ANK3: variants seen among roughly 807,000 people sequenced by gnomAD.
ANK3 encodes ankyrin-3.
ANK3 carries 57 observed loss-of-function variants against 370.9 expected under a neutral mutation model. The ratio of observed to expected loss-of-function variants is 0.15; its 90% CI spans 0.12 to 0.19. ANK3 has a LOEUF of 0.19. ANK3 is among the 10% of genes least tolerant of loss of function. ANK3 has a pLI of 1.00. For missense variants in ANK3, 4,439 were observed against 5,302.1 expected (o/e 0.84, Z 5.06); for synonymous variants, 1,929 against 1,946.3 (o/e 0.99, Z 0.23).
intron 25 of ANK3, among the ~76,000 whole-genome samples, chr10:60,125,497 AG>A (rs2093710271): frequency 6.6e-6 from 1 of 152,250 alleles, no homozygotes; most frequent in Non-Finnish European, 1.5e-5. Context: ...AGCACATTGA[AG>A]AGAGAAAGCA....
At chr10:60,395,622 C>CTTTCAT (rs61600136) in intron 2 of ANK3, among the ~76,000 whole-genome samples, 2 of 41,160 alleles carry the variant, frequency 4.9e-5, no homozygotes, top group African/African-American at 1.7e-4. Flanking sequence ...CTTTCGTTCT[C>CTTTCAT]TCTCTCTCTC....
Position 60,072,078 on chromosome 10 carries a change from C to G in ANK3, c.8803G>C (p.Val2935Leu). 1 of 1,614,058 alleles carries G rather than the reference C, an allele frequency of 6.2e-7. No individual in the cohort carries two copies. Among genetic ancestry groups the G allele is most frequent in the South Asian group, 1.1e-5 (1 of 91,090 alleles). ...SKKVLYREYVVKEGDHPGGLL... is the reference protein window; with the variant it reads ...SKKVLYREYVLKEGDHPGGLL... ...CCGCCTGGATGGTCCCCTTCTTTCA[C>G]AACATATTCCCTATATAAGACTTTT... The change falls in exon 37 of 44, where the codon GTG (valine) becomes CTG (leucine). Residue 2935 changes from valine to leucine, a missense_variant. Transcript: ENST00000280772.
intron 1 of ANK3, among the ~76,000 whole-genome samples, chr10:60,332,013 A>G (rs1490645623): frequency 6.6e-6 from 1 of 151,942 alleles, no homozygotes. Context: ...CATTTGAACA[A>G]CTCATAACAT....
intron 2 of ANK3, among the ~76,000 whole-genome samples, chr10:60,465,352 G>A (rs993237915): frequency 2.6e-5 from 4 of 152,036 alleles, no homozygotes; most frequent in South Asian, 2.1e-4. Flanking sequence ...TAGATCCTAC[G>A]TCAACTATAA....
chr10:60,143,124 T>C (rs2094643001), intron 23 of ANK3, among the ~76,000 whole-genome samples: 1 of 152,224 alleles, frequency 6.6e-6, no homozygotes, highest in East Asian at 1.9e-4. Context: ...TTTAAATTGC[T>C]ACTATTTATA....
chr10:60,423,611 A>C (rs2063821345), intron 2 of ANK3, among the ~76,000 whole-genome samples: 1 of 151,918 alleles, frequency 6.6e-6, no homozygotes, highest in Non-Finnish European at 1.5e-5. Context: ...TAATAAAACA[A>C]AGTTCTTGTA....
At chr10:60,513,030 A>G (rs1328221302) in intron 2 of ANK3, among the ~76,000 whole-genome samples, 1 of 152,152 alleles carries the variant, frequency 6.6e-6, no homozygotes, top group Non-Finnish European at 1.5e-5. Context: ...CTGTGTCTCA[A>G]TGAGGAAAAA....
At chr10:60,612,578 G>A (rs553671014) in intron 2 of ANK3, among the ~76,000 whole-genome samples, 5 of 152,116 alleles carry the variant, frequency 3.3e-5, no homozygotes, top group African/African-American at 7.2e-5. Context: ...TGCAACCTCC[G>A]CCTCCCAGAT....
intron 5 of ANK3, among the ~76,000 whole-genome samples, chr10:60,264,689 AG>A: frequency 1.3e-5 from 2 of 152,216 alleles, no homozygotes; most frequent in Admixed American, 1.3e-4. Context: ...AAGTTTTCAA[AG>A]GAGATCATTT....
intron 28 of ANK3, among the ~76,000 whole-genome samples, chr10:60,091,381 C>G (rs1178627351): frequency 6.6e-6 from 1 of 152,164 alleles, no homozygotes; most frequent in Non-Finnish European, 1.5e-5. Context: ...GAGCACTGAT[C>G]TAGTCACTGG....
chr10:60,036,458 C>T (rs957222415), intron 43 of ANK3, among the ~76,000 whole-genome samples: 9 of 33,992 alleles, frequency 2.6e-4, no homozygotes, highest in East Asian at 1.2e-3. Context: ...TTTTTTGAGA[C>T]GGAGTCTTGC....
intron 2 of ANK3, among the ~76,000 whole-genome samples, chr10:60,473,301 A>G (rs977315899): frequency 6.6e-6 from 1 of 152,126 alleles, no homozygotes; most frequent in African/African-American, 2.4e-5. Flanking sequence ...TTGTATTTCT[A>G]TTTTCTAAAA....
Position 60,080,537 on chromosome 10 carries a change from T to C in ANK3, c.4432A>G (p.Ile1478Val), listed in dbSNP as rs2084952174. 1.2e-6 allele frequency: 2 copies of C among 1,610,392 alleles called. No individual in the cohort carries two copies. Among genetic ancestry groups the C allele is most frequent in the South Asian group, 1.1e-5 (1 of 90,816 alleles). ...RYSYLTEPGM[I>V]ERSTGATRSL... ...TTAGTAAATGTGTTAGGAAACTCAC[T>C]CATTCCAGGCTCAGTCAAGTAGCTG... The change falls in exon 36 of 44, where the codon ATT (isoleucine) becomes GTT (valine). Residue 1478 changes from isoleucine to valine, a missense_variant and splice_region_variant. Physicochemically the swap from Ile to Val is conservative, Grantham distance 29. This residue lies in a region of ANK3 where 679 missense variants were observed against 791.0 expected (regional missense o/e 0.86). Coordinates refer to ENST00000280772, the MANE Select transcript of ANK3 (RefSeq NM_020987.5).
At position 60,114,295 on chromosome 10, in the gene ANK3, G is replaced by C; in HGVS notation, c.2878C>G (p.Leu960Val). 6 of 1,608,038 alleles carry C rather than the reference G, an allele frequency of 3.7e-6. No homozygotes were observed. Among genetic ancestry groups the C allele is most frequent in the Non-Finnish European group, 5.1e-6 (6 of 1,177,384 alleles). ...TFTREFDSDS[L>V]RHYSWAADTL... ...TCTGCAGCCCAGCTGTAATGTCTAA[G>C]AGAATCTGAATCAAATTCCCTTGTG... Residue 960 changes from leucine (L) to valine (V), a missense_variant, in exon 26 of 44, where the codon CTT becomes GTT. Physicochemically the swap from Leu to Val is conservative, Grantham distance 32. Transcript: ENST00000280772.
At chr10:60,621,127 T>C (rs187571833) in intron 1 of ANK3, among the ~76,000 whole-genome samples, 1 of 152,274 alleles carries the variant, frequency 6.6e-6, no homozygotes, top group African/African-American at 2.4e-5. Context: ...GAAAAGCAAT[T>C]CGGTCAAATA....
chr10:60,680,051 C>T (rs1267332322), intron 1 of ANK3, among the ~76,000 whole-genome samples: 1 of 147,318 alleles, frequency 6.8e-6, no homozygotes, highest in Non-Finnish European at 1.5e-5. Context: ...ACAAGAATCG[C>T]TTAAACCCAG....
chr10:60,513,329 A>G (rs2076136091), intron 2 of ANK3, among the ~76,000 whole-genome samples: 1 of 152,112 alleles, frequency 6.6e-6, no homozygotes, highest in Non-Finnish European at 1.5e-5. Flanking sequence ...GGGGATATTT[A>G]AACATAAAAA....
intron 28 of ANK3, among the ~76,000 whole-genome samples, chr10:60,100,282 G>T (rs2091015629): frequency 4.9e-5 from 4 of 81,028 alleles, no homozygotes; most frequent in Non-Finnish European, 8.9e-5. Flanking sequence ...TCCTGATTTG[G>T]TTAAATTGTA....
At chr10:60,312,403 G>A (rs887252749) in intron 1 of ANK3, among the ~76,000 whole-genome samples, 2 of 152,180 alleles carry the variant, frequency 1.3e-5, no homozygotes, top group Non-Finnish European at 2.9e-5. Context: ...TGCTAGAAAT[G>A]TCTGCTCCTT....
Sources: allele counts gnomAD v4.1 joint callset (sites outside exome capture counted in the v4.1 genomes callset), GRCh38; gene constraint gnomAD v4.1.1; regional missense constraint gnomAD v4.1.1; transcripts MANE v1.5; gene names NCBI Gene and HGNC (gene_info 2026-07-23, HGNC 2026-07-21).